ZNF583: variants seen among roughly 807,000 people sequenced by gnomAD.
ZNF583 encodes the protein zinc finger protein L3-5.
ZNF583 carries 30 observed loss-of-function variants against 55.3 expected under a neutral mutation model. The ratio of observed to expected loss-of-function variants is 0.54; its 90% CI spans 0.41 to 0.74. ZNF583 has a LOEUF of 0.74. Among genes scored for constraint, ZNF583 ranks in the 30% least tolerant of loss-of-function variants. The probability of loss-of-function intolerance (pLI) is 0.00; values close to 1 mark genes in which losing one functional copy is unlikely to be tolerated. For synonymous variants in ZNF583, 208 were observed against 220.0 expected (o/e 0.95, Z 0.48); for missense variants, 504 against 664.7 (o/e 0.76, Z 2.66).
chr19:56,417,862 A>C (rs954251435), intron 4 of ZNF583, among the ~76,000 whole-genome samples: 2 of 152,004 alleles, frequency 1.3e-5, no homozygotes, highest in Non-Finnish European at 2.9e-5. Flanking sequence ...TTCCATATGG[A>C]TATACAGTTG....
chr19:56,420,586 G>A (rs555684926), intron 4 of ZNF583, among the ~76,000 whole-genome samples: 16 of 152,132 alleles, frequency 1.1e-4, no homozygotes, highest in South Asian at 2.1e-4. Flanking sequence ...ATTTTGAGGC[G>A]TTATATTAGG....
In ZNF583 at chr19:56,404,985, T is replaced by C. The variant is rs1045605173; in HGVS notation, c.-90+533T>C. ...GACTGTGTGACAGTGTGTGTGACTTTGTGAACAGAGCTTGACCGTGTGTGT... is the reference window on the plus strand; with the variant it reads ...GACTGTGTGACAGTGTGTGTGACTTCGTGAACAGAGCTTGACCGTGTGTGT... On this transcript the variant is annotated intron_variant, in intron 1 of 4. Coordinates refer to ENST00000333201, the MANE Select transcript of ZNF583 (RefSeq NM_152478.3). The surrounding 1 kb of genome is among the most constrained non-coding windows in gnomAD (Gnocchi z 5.2). 2.0e-5 allele frequency among the ~76,000 whole-genome samples: 3 copies of C among 152,124 alleles called. No homozygotes were observed. Among genetic ancestry groups the C allele is most frequent in the African/African-American group, 7.2e-5 (3 of 41,428 alleles).
intron 2 of ZNF583, among the ~76,000 whole-genome samples, chr19:56,407,776 C>T (rs1050333604): frequency 2.0e-5 from 3 of 152,082 alleles, no homozygotes; most frequent in African/African-American, 7.2e-5. Context: ...TAAAAAATAG[C>T]AGAACTTTGT....
At chr19:56,420,998 C>T (rs1568813076) in intron 4 of ZNF583, among the ~76,000 whole-genome samples, 1 of 151,788 alleles carries the variant, frequency 6.6e-6, no homozygotes, top group African/African-American at 2.4e-5. Context: ...TTTATAATTC[C>T]ATTTTATTTT....
In ZNF583 at chr19:56,426,051, T is replaced by C. The variant is rs2042490440; in HGVS notation, c.*1683T>C. ...AGACAAATAAATATTTTATCCTTTATATGGTAAGACAGATTCACTATCATA... is the reference window on the plus strand; with the variant it reads ...AGACAAATAAATATTTTATCCTTTACATGGTAAGACAGATTCACTATCATA... On this transcript the variant is annotated 3_prime_UTR_variant, in exon 5 of 5. Coordinates refer to ENST00000333201, the MANE Select transcript of ZNF583 (RefSeq NM_152478.3). The C allele has an allele frequency of 6.6e-6, 1 of 152,240 alleles. No homozygotes were observed. The highest frequency in any genetic ancestry group is 1.5e-5 in the Non-Finnish European group (1 of 68,042). The allele number at this position is 152,240 out of a possible 1,614,324, so 9.4% of individuals were successfully genotyped here.
At position 56,409,986 on chromosome 19, in the gene ZNF583, C is replaced by T. The variant is rs73621285; in HGVS notation, c.9+2863C>T. On this transcript the variant is annotated intron_variant, in intron 2 of 4. Transcript: ENST00000333201. Reference sequence around the variant, plus strand: ...TCATCCATTACTCATATGTAGTAATCCTTCTTTCTTCTGTAATCTTCCTCC... The same window carrying T: ...TCATCCATTACTCATATGTAGTAATTCTTCTTTCTTCTGTAATCTTCCTCC... 5.7e-3 allele frequency among the ~76,000 whole-genome samples: 868 copies of T among 152,090 alleles called. 7 individuals carry two copies. The highest frequency in any genetic ancestry group is 0.02 in the African/African-American group (829 of 41,486).
At chr19:56,420,904 G>C (rs955056114) in intron 4 of ZNF583, among the ~76,000 whole-genome samples, 1 of 152,056 alleles carries the variant, frequency 6.6e-6, no homozygotes, top group African/African-American at 2.4e-5. Context: ...AATTTGAGTT[G>C]AGTCTACTAT....
chr19:56,422,128 C>A (rs2042425379), intron 4 of ZNF583, among the ~76,000 whole-genome samples: 1 of 152,078 alleles, frequency 6.6e-6, no homozygotes, highest in Non-Finnish European at 1.5e-5. Flanking sequence ...TCAGAGAACA[C>A]CAGGTCATGT....
Position 56,426,829 on chromosome 19 carries a change from A to G in ZNF583, c.*2461A>G, listed in dbSNP as rs2042495056. The G allele has an allele frequency of 6.6e-6, 1 of 152,190 alleles. No homozygotes were observed. The highest frequency in any genetic ancestry group is 2.4e-5 in the African/African-American group (1 of 41,456). 9.4% of individuals were successfully genotyped at this position (152,190 alleles called of 1,614,324 possible). A position where few individuals can be genotyped will look rare whatever the true frequency, so the allele number is the denominator to read the frequency against. Reference sequence around the variant, plus strand: ...CTCTGGTAGGCAATTTGTCAACTTCAGAATTTTAATTGGGAAAAGTAGAAT... The same window carrying G: ...CTCTGGTAGGCAATTTGTCAACTTCGGAATTTTAATTGGGAAAAGTAGAAT... On this transcript the variant is annotated 3_prime_UTR_variant, in exon 5 of 5. Coordinates refer to ENST00000333201, the MANE Select transcript of ZNF583 (RefSeq NM_152478.3).
At chr19:56,420,303 C>T (rs917650) in intron 4 of ZNF583, among the ~76,000 whole-genome samples, 82,297 of 151,918 alleles carry the variant, frequency 0.54, 22,757 homozygotes, top group East Asian at 0.88. Context: ...ATCTTGGTTT[C>T]GGTACTTTGG....
intron 2 of ZNF583, among the ~76,000 whole-genome samples, chr19:56,410,848 C>T (rs1224358667): frequency 6.6e-6 from 1 of 152,054 alleles, no homozygotes; most frequent in East Asian, 1.9e-4. Flanking sequence ...GAAATATATA[C>T]ATAATCATAG....
At chr19:56,409,108 C>T (rs1264183966) in intron 2 of ZNF583, among the ~76,000 whole-genome samples, 1 of 152,170 alleles carries the variant, frequency 6.6e-6, no homozygotes, top group Non-Finnish European at 1.5e-5. Flanking sequence ...CACTCTTAAT[C>T]ACCCTTTACC....
At chr19:56,414,755 A>G (rs1045506875) in intron 4 of ZNF583, 6 of 198,390 alleles carry the variant, frequency 3.0e-5, no homozygotes, top group Non-Finnish European at 6.1e-5. Flanking sequence ...CATTTTTTAA[A>G]AATCCAGGTG....
At chr19:56,407,181 G>T in intron 2 of ZNF583, 58 bp downstream of exon 2, 1 of 1,600,198 alleles carries the variant, frequency 6.2e-7, no homozygotes, top group Middle Eastern at 1.8e-4. Context: ...TAGGTTATAC[G>T]AACATTTTGT....
intron 2 of ZNF583, among the ~76,000 whole-genome samples, chr19:56,413,619 A>G (rs1338287692): frequency 6.6e-6 from 1 of 152,144 alleles, no homozygotes; most frequent in African/African-American, 2.4e-5. Context: ...CTGATTTTCC[A>G]ATATTGAGAA....
At chr19:56,418,844 C>T (rs73934907) in intron 4 of ZNF583, among the ~76,000 whole-genome samples, 6,449 of 152,186 alleles carry the variant, frequency 0.042, 463 homozygotes, top group African/African-American at 0.15. Context: ...TAAGGGAAAA[C>T]GTATTCTGTC....
At chr19:56,414,116 G>C in intron 3 of ZNF583, 31 bp downstream of exon 3, 2 of 1,562,582 alleles carry the variant, frequency 1.3e-6, no homozygotes, top group Non-Finnish European at 1.7e-6. Context: ...TTCAGAATCT[G>C]TACATGGGAC....
At chr19:56,414,168 A>G in intron 3 of ZNF583, 83 bp downstream of exon 3, 8 of 1,543,226 alleles carry the variant, frequency 5.2e-6, no homozygotes, top group Non-Finnish European at 7.0e-6. Context: ...GACGTGCTTC[A>G]CTAAATTTCC....
rs1011370352 is a variant in ZNF583 at position 56,425,903 on chromosome 19, A to G, written c.*1535A>G. The G allele has an allele frequency of 2.0e-5, 3 of 152,116 alleles. No individual in the cohort carries two copies. The highest frequency in any genetic ancestry group is 2.9e-5 in the Non-Finnish European group (2 of 68,034). The allele number at this position is 152,116 out of a possible 1,614,324, so 9.4% of individuals were successfully genotyped here. On this transcript the variant is annotated 3_prime_UTR_variant, in exon 5 of 5. Coordinates refer to ENST00000333201, the MANE Select transcript of ZNF583 (RefSeq NM_152478.3). ...ACCACTCCCTGATTCTTTACATCTGACCTCTTTTAATATTACTTCCTGACC... is the reference window on the plus strand; with the variant it reads ...ACCACTCCCTGATTCTTTACATCTGGCCTCTTTTAATATTACTTCCTGACC...
Sources: gnomAD v4.1 joint callset for allele counts (sites outside exome capture counted in the v4.1 genomes callset) on GRCh38, gnomAD v4.1.1 for gene constraint, Gnocchi (gnomAD v3.1) non-coding constraint, MANE v1.5 for transcripts, NCBI Gene and HGNC (gene_info 2026-07-23, HGNC 2026-07-21) for gene names.